The following ABTB3 variants were observed in gnomAD, a reference collection of about 807,000 sequenced individuals.
ABTB3 encodes ankyrin repeat- and BTB/POZ domain-containing protein 3.
chr12:107,372,197 A>G, the ABTB3 span, among the ~76,000 whole-genome samples: 7 of 152,326 alleles, frequency 4.6e-5, no homozygotes, highest in Admixed American at 4.6e-4. Context: ...GGATCAATGA[A>G]TGAATATATC....
At chr12:107,618,267 C>G in the ABTB3 span, 4 of 1,613,532 alleles carry the variant, frequency 2.5e-6, no homozygotes, top group African/African-American at 1.3e-5. Context: ...AGCCCCGCCC[C>G]CCTTGTGCGC....
At chr12:107,462,987 GATA>G in the ABTB3 span, among the ~76,000 whole-genome samples, 2 of 151,732 alleles carry the variant, frequency 1.3e-5, no homozygotes, top group African/African-American at 4.8e-5. Flanking sequence ...TGATGATGGT[GATA>G]ATGATGATAG....
At chr12:107,593,432 G>A in the ABTB3 span, among the ~76,000 whole-genome samples, 1 of 152,160 alleles carries the variant, frequency 6.6e-6, no homozygotes. Flanking sequence ...TGGGAATTTG[G>A]TTTGTTTATT....
the ABTB3 span, chr12:107,657,888 T>G: frequency 1.9e-5 from 13 of 666,844 alleles, no homozygotes; most frequent in Non-Finnish European, 3.3e-5. Flanking sequence ...TCCACTGGTC[T>G]GCAGATCAGA....
At chr12:107,557,155 T>C in the ABTB3 span, among the ~76,000 whole-genome samples, 15 of 152,190 alleles carry the variant, frequency 9.9e-5, no homozygotes, top group Admixed American at 9.8e-4. Context: ...AATGCATCAT[T>C]AGGTGATTTT....
chr12:107,466,304 A>C, the ABTB3 span, among the ~76,000 whole-genome samples: 1 of 152,016 alleles, frequency 6.6e-6, no homozygotes, highest in Non-Finnish European at 1.5e-5. Context: ...GGCAGAGGGA[A>C]GTGAGGGGAA....
At chr12:107,446,539 C>T in the ABTB3 span, among the ~76,000 whole-genome samples, 216 of 152,254 alleles carry the variant, frequency 1.4e-3, 1 homozygote, top group African/African-American at 4.9e-3. Flanking sequence ...ACTTTCTCCC[C>T]TGTGTCCCTC....
the ABTB3 span, among the ~76,000 whole-genome samples, chr12:107,402,156 TTAG>T: frequency 6.6e-6 from 1 of 152,220 alleles, no homozygotes; most frequent in Admixed American, 6.5e-5. Flanking sequence ...AAGTGGACTC[TTAG>T]TAGTAGTACC....
the ABTB3 span, among the ~76,000 whole-genome samples, chr12:107,498,730 G>T: frequency 3.3e-5 from 5 of 151,984 alleles, no homozygotes; most frequent in Non-Finnish European, 7.4e-5. Context: ...GAAAACCCAG[G>T]ATACTCTCTG....
the ABTB3 span, among the ~76,000 whole-genome samples, chr12:107,633,768 A>G: frequency 6.6e-6 from 1 of 152,236 alleles, no homozygotes; most frequent in African/African-American, 2.4e-5. Context: ...ATTTCAGTGC[A>G]TGGAACCTGT....
chr12:107,590,193 C>T, the ABTB3 span, among the ~76,000 whole-genome samples: 9 of 152,214 alleles, frequency 5.9e-5, no homozygotes, highest in Admixed American at 2.0e-4. Context: ...GGATTACAGG[C>T]GTGAGCCACT....
chr12:107,386,283 C>T, the ABTB3 span, among the ~76,000 whole-genome samples: 1 of 152,216 alleles, frequency 6.6e-6, no homozygotes, highest in Admixed American at 6.5e-5. Context: ...TATTCCTCTC[C>T]CTTGTCATGA....
the ABTB3 span, among the ~76,000 whole-genome samples, chr12:107,335,781 G>C: frequency 6.6e-6 from 1 of 152,162 alleles, no homozygotes; most frequent in Non-Finnish European, 1.5e-5. Flanking sequence ...GGCTAGGCGA[G>C]TGAGGTAGGG....
At chr12:107,343,643 T>A in the ABTB3 span, among the ~76,000 whole-genome samples, 1 of 152,072 alleles carries the variant, frequency 6.6e-6, no homozygotes, top group Non-Finnish European at 1.5e-5. Context: ...ATTAGTCCAT[T>A]TTCACACCAC....
At chr12:107,633,785 C>G in the ABTB3 span, among the ~76,000 whole-genome samples, 2 of 152,178 alleles carry the variant, frequency 1.3e-5, no homozygotes, top group Non-Finnish European at 2.9e-5. Context: ...CTGTGGTTCT[C>G]AAACTTAAGG....
At chr12:107,580,959 T>C in the ABTB3 span, 1 of 1,551,614 alleles carries the variant, frequency 6.4e-7, no homozygotes, top group South Asian at 1.2e-5. Context: ...GGGTCACCGG[T>C]GCGGTCCGGA....
chr12:107,427,763 A>C, the ABTB3 span, among the ~76,000 whole-genome samples: 1 of 152,152 alleles, frequency 6.6e-6, no homozygotes, highest in Admixed American at 6.5e-5. Context: ...CTCATTAGAA[A>C]TCTATGATGG....
the ABTB3 span, among the ~76,000 whole-genome samples, chr12:107,470,821 C>A: frequency 1.3e-5 from 2 of 152,124 alleles, no homozygotes; most frequent in Non-Finnish European, 2.9e-5. Flanking sequence ...CCACCCAGAA[C>A]GGAGAAGGTG....
At chr12:107,439,563 C>T in the ABTB3 span, among the ~76,000 whole-genome samples, 1 of 152,206 alleles carries the variant, frequency 6.6e-6, no homozygotes, top group Non-Finnish European at 1.5e-5. Context: ...CTCTCCTTCC[C>T]CCTGCCCTTC....
Sources: gnomAD v4.1 joint callset for allele counts (sites outside exome capture counted in the v4.1 genomes callset) on GRCh38, gnomAD v4.1.1 for gene constraint, MANE v1.5 for transcripts, NCBI Gene and HGNC (gene_info 2026-07-23, HGNC 2026-07-21) for gene names.